CCDC3: variants seen among roughly 807,000 people sequenced by gnomAD.
CCDC3 encodes coiled-coil domain-containing protein 3.
A neutral mutation model predicts 21.4 loss-of-function variants in CCDC3; 24 were observed. The ratio of observed to expected loss-of-function variants is 1.12; its 90% CI spans 0.81 to 1.58. The LOEUF (loss-of-function observed/expected upper bound fraction) is 1.58, where lower values mean the gene tolerates loss of function less well. Among genes scored for constraint, CCDC3 ranks in the 40% most tolerant of loss-of-function variants. The pLI, the probability that CCDC3 is intolerant of heterozygous loss-of-function variation, is 0.00. For synonymous variants in CCDC3, 186 were observed against 166.0 expected, an observed-to-expected ratio of 1.12 and a Z score of -0.93; for missense variants, 425 against 360.9, an observed-to-expected ratio of 1.18 and a Z score of -1.44.
At chr10:12,961,134 C>T (rs1204403676) in intron 2 of CCDC3, among the ~76,000 whole-genome samples, 6 of 152,144 alleles carry the variant, frequency 3.9e-5, no homozygotes, top group Non-Finnish European at 7.3e-5. Context: ...GCGTGAGCAC[C>T]GGCTGGGAAT....
chr10:12,946,459 G>A (rs1291099863), intron 2 of CCDC3, among the ~76,000 whole-genome samples: 1 of 152,046 alleles, frequency 6.6e-6, no homozygotes, highest in Non-Finnish European at 1.5e-5. Flanking sequence ...AAATAGCCAG[G>A]TCTCAGCAAA....
At chr10:13,052,287 C>G (rs949602481) in intron 4 of CCDC3, among the ~76,000 whole-genome samples, 1 of 152,022 alleles carries the variant, frequency 6.6e-6, no homozygotes, top group Non-Finnish European at 1.5e-5. Flanking sequence ...GCGGGAAGAT[C>G]GCTCAAGCCC....
At chr10:13,095,084 G>C (rs764944191) in intron 3 of CCDC3, among the ~76,000 whole-genome samples, 2 of 152,130 alleles carry the variant, frequency 1.3e-5, no homozygotes, top group Non-Finnish European at 2.9e-5. Context: ...CTGGATTTCA[G>C]GGAAAGGAAA....
chr10:13,012,244 G>A (rs188533385), intron 5 of CCDC3, among the ~76,000 whole-genome samples: 88 of 152,162 alleles, frequency 5.8e-4, no homozygotes, highest in Non-Finnish European at 1.9e-4. Context: ...ACTATCAACA[G>A]AGTAAACAAA....
At chr10:13,048,563 C>T (rs978832444) in intron 5 of CCDC3, among the ~76,000 whole-genome samples, 1 of 152,120 alleles carries the variant, frequency 6.6e-6, no homozygotes, top group African/African-American at 2.4e-5. Context: ...GAAAATGCTA[C>T]TTTCCTATTG....
chr10:12,923,855 G>A (rs758832113), intron 2 of CCDC3, among the ~76,000 whole-genome samples: 1 of 152,184 alleles, frequency 6.6e-6, no homozygotes, highest in African/African-American at 2.4e-5. Flanking sequence ...AACCTCTGCT[G>A]TCATGTGTAT....
At chr10:13,043,631 AATAAAGAC>A (rs1480766646) in intron 5 of CCDC3, among the ~76,000 whole-genome samples, 5 of 152,178 alleles carry the variant, frequency 3.3e-5, no homozygotes, top group African/African-American at 4.8e-5. Context: ...AAGACACAAC[AATAAAGAC>A]ATAAAGACAA....
chr10:13,072,674 TTTTC>T (rs1248203817), intron 4 of CCDC3, among the ~76,000 whole-genome samples: 18 of 97,910 alleles, frequency 1.8e-4, no homozygotes, highest in Admixed American at 6.4e-4. Flanking sequence ...TTGCTGAGTT[TTTTC>T]TTTTTTTTTC....
At chr10:12,971,539 A>G (rs2668906) in intron 2 of CCDC3, among the ~76,000 whole-genome samples, 151,036 of 152,266 alleles carry the variant, frequency 0.99, 74,927 homozygotes, top group Middle Eastern at 1. Context: ...TGGCACTGCT[A>G]CCCTATTGTC....
chr10:12,999,443 T>A (rs1480305100), intron 1 of CCDC3, among the ~76,000 whole-genome samples: 2 of 152,084 alleles, frequency 1.3e-5, no homozygotes, highest in African/African-American at 2.4e-5. Context: ...AAAGTTACAC[T>A]CCAGTCTACA....
chr10:12,925,969 A>T (rs1834530333), intron 2 of CCDC3, among the ~76,000 whole-genome samples: 1 of 152,262 alleles, frequency 6.6e-6, no homozygotes, highest in South Asian at 2.1e-4. Context: ...TGGGCCACAA[A>T]GGCAGAATTT....
At chr10:13,019,049 C>T (rs1008913273) in intron 5 of CCDC3, among the ~76,000 whole-genome samples, 2 of 150,426 alleles carry the variant, frequency 1.3e-5, no homozygotes, top group East Asian at 3.9e-4. Context: ...CTGGCTAACA[C>T]GGTGAAACCC....
chr10:12,962,977 T>G (rs968766570), intron 2 of CCDC3, among the ~76,000 whole-genome samples: 3 of 152,214 alleles, frequency 2.0e-5, no homozygotes, highest in Admixed American at 1.3e-4. Context: ...ACTTACATAC[T>G]TATATACACT....
At chr10:13,060,375 C>T (rs550340532) in intron 4 of CCDC3, among the ~76,000 whole-genome samples, 290 of 152,172 alleles carry the variant, frequency 1.9e-3, no homozygotes, top group Middle Eastern at 0.014. Flanking sequence ...CCTCAGGGAG[C>T]GCCAGCATTT....
intron 2 of CCDC3, among the ~76,000 whole-genome samples, chr10:12,938,953 C>T (rs1834779366): frequency 6.6e-6 from 1 of 152,194 alleles, no homozygotes; most frequent in Non-Finnish European, 1.5e-5. Context: ...TAAATAAACA[C>T]ACACAATAAA....
chr10:12,979,958 T>C (rs539403945), intron 2 of CCDC3, among the ~76,000 whole-genome samples: 58 of 152,318 alleles, frequency 3.8e-4, no homozygotes, highest in Non-Finnish European at 7.5e-4. Context: ...ATTGAAATGA[T>C]GATTATTGCA....
At chr10:12,983,193 G>A (rs1326235595) in intron 2 of CCDC3, among the ~76,000 whole-genome samples, 2 of 137,170 alleles carry the variant, frequency 1.5e-5, no homozygotes, top group African/African-American at 2.7e-5. Context: ...AGCTCTAAAG[G>A]TTTTGGGGTA....
chr10:13,084,477 AG>A (rs1837078732), intron 3 of CCDC3, among the ~76,000 whole-genome samples: 1 of 152,016 alleles, frequency 6.6e-6, no homozygotes, highest in South Asian at 2.1e-4. Flanking sequence ...TAATAGAGAC[AG>A]GGTTCTCCAT....
intron 5 of CCDC3, among the ~76,000 whole-genome samples, chr10:13,036,855 T>C (rs943577646): frequency 6.6e-6 from 1 of 150,694 alleles, no homozygotes; most frequent in African/African-American, 2.4e-5. Context: ...TCACGGCTCA[T>C]TGCAGCCTCG....
Sources: allele counts gnomAD v4.1 joint callset (sites outside exome capture counted in the v4.1 genomes callset), GRCh38; gene constraint gnomAD v4.1.1; transcripts MANE v1.5; gene names NCBI Gene and HGNC (gene_info 2026-07-23, HGNC 2026-07-21).